Variants in CNTN5 observed in about 807,000 individuals in gnomAD.
CNTN5 encodes contactin-5.
Under a neutral mutation model 129.1 loss-of-function variants are expected in CNTN5, and 77 were observed. The observed-to-expected ratio is 0.60, with a 90% CI of 0.50 to 0.72. The LOEUF is 0.72. CNTN5 is among the 30% of genes least tolerant of loss of function. The pLI is 0.00. For synonymous variants in CNTN5, 509 were observed against 465.6 expected (o/e 1.09, Z -1.20); for missense variants, 1,478 against 1,328.8 (o/e 1.11, Z -1.75).
At chr11:99,362,504 T>C (rs1305004777) in intron 2 of CNTN5, among the ~76,000 whole-genome samples, 1 of 151,694 alleles carries the variant, frequency 6.6e-6, no homozygotes, top group Non-Finnish European at 1.5e-5. Flanking sequence ...ATTTATCTAT[T>C]TTTTTTAGTT....
intron 1 of CNTN5, among the ~76,000 whole-genome samples, chr11:99,170,183 A>T (rs11218619): frequency 0.43 from 65,445 of 151,966 alleles, 14,944 homozygotes; most frequent in East Asian, 0.81. Context: ...CAGATAATAT[A>T]TATGGAACCA....
At chr11:99,071,708 C>T (rs1276535692) in intron 1 of CNTN5, among the ~76,000 whole-genome samples, 3 of 151,950 alleles carry the variant, frequency 2.0e-5, no homozygotes, top group Non-Finnish European at 4.4e-5. Context: ...GTTGCTTACT[C>T]AAATCATTTG....
chr11:100,228,508 T>A (rs2138640358), intron 16 of CNTN5, among the ~76,000 whole-genome samples: 1 of 152,350 alleles, frequency 6.6e-6, no homozygotes, highest in Non-Finnish European at 1.5e-5. Context: ...TTATTTCCAA[T>A]AATTATTTAT....
chr11:100,254,758 C>G (rs1950033905), intron 16 of CNTN5, among the ~76,000 whole-genome samples: 1 of 152,058 alleles, frequency 6.6e-6, no homozygotes, highest in Non-Finnish European at 1.5e-5. Flanking sequence ...GCTCATGTCT[C>G]TTAATCAACA....
intron 6 of CNTN5, among the ~76,000 whole-genome samples, chr11:99,914,092 C>T (rs1233208904): frequency 6.6e-6 from 1 of 152,022 alleles, no homozygotes; most frequent in Non-Finnish European, 1.5e-5. Flanking sequence ...GAAAAATTAG[C>T]TGAGTATATT....
At chr11:100,215,930 C>T (rs1438737298) in intron 15 of CNTN5, among the ~76,000 whole-genome samples, 1 of 152,126 alleles carries the variant, frequency 6.6e-6, no homozygotes, top group Non-Finnish European at 1.5e-5. Context: ...TGGGACTTAG[C>T]ATCAGCCTCC....
At chr11:99,795,958 C>G (rs1403612000) in intron 3 of CNTN5, among the ~76,000 whole-genome samples, 1 of 152,214 alleles carries the variant, frequency 6.6e-6, no homozygotes, top group African/African-American at 2.4e-5. Flanking sequence ...CTCATTCCCA[C>G]ATGCCAGCAG....
At chr11:100,053,874 G>A (rs1255930505) in intron 9 of CNTN5, among the ~76,000 whole-genome samples, 1 of 151,696 alleles carries the variant, frequency 6.6e-6, no homozygotes, top group African/African-American at 2.4e-5. Flanking sequence ...ACTCCTCGGC[G>A]ATTAAAAGGA....
intron 2 of CNTN5, among the ~76,000 whole-genome samples, chr11:99,541,978 AAG>A (rs1441826246): frequency 3.5e-5 from 4 of 114,216 alleles, no homozygotes; most frequent in Non-Finnish European, 5.7e-5. Flanking sequence ...AAAAAAAAAA[AAG>A]AAAAGAAAAG....
At chr11:99,592,357 A>C (rs1196565831) in intron 3 of CNTN5, among the ~76,000 whole-genome samples, 1 of 152,228 alleles carries the variant, frequency 6.6e-6, no homozygotes. Flanking sequence ...TAAAAACTCA[A>C]GAACAAGTTG....
chr11:100,237,012 AC>A (rs1949629647), intron 16 of CNTN5, among the ~76,000 whole-genome samples: 2 of 151,922 alleles, frequency 1.3e-5, no homozygotes, highest in Non-Finnish European at 2.9e-5. Context: ...ACACAGTGAA[AC>A]CCCGTCTCTA....
intron 21 of CNTN5, chr11:100,336,812 A>G (rs745511839): frequency 1.5e-5 from 6 of 397,702 alleles, no homozygotes; most frequent in Non-Finnish European, 2.8e-5. Flanking sequence ...CGACTTCCCC[A>G]GACCCTAACC....
chr11:99,886,606 G>A (rs572308236), intron 6 of CNTN5, among the ~76,000 whole-genome samples: 2 of 152,232 alleles, frequency 1.3e-5, no homozygotes, highest in East Asian at 3.9e-4. Context: ...CATATACCAT[G>A]AGACATATAA....
chr11:99,597,595 G>A (rs1950165359), intron 3 of CNTN5, among the ~76,000 whole-genome samples: 1 of 152,030 alleles, frequency 6.6e-6, no homozygotes, highest in Non-Finnish European at 1.5e-5. Flanking sequence ...TACCCAGCCT[G>A]TTTTCCGGTA....
chr11:99,897,328 T>C (rs184687150), intron 6 of CNTN5, among the ~76,000 whole-genome samples: 1 of 152,102 alleles, frequency 6.6e-6, no homozygotes, highest in Non-Finnish European at 1.5e-5. Context: ...AAGATAAACA[T>C]TACTGAGGCA....
Position 99,533,930 on chromosome 11 carries a change from G to A in CNTN5, c.-70-22215G>A, listed in dbSNP as rs575483451. On this transcript the variant is annotated intron_variant, in intron 2 of 24. Coordinates refer to ENST00000524871, the MANE Select transcript of CNTN5 (RefSeq NM_014361.4). ...GAAAATTCCGTGGGTTTGGTTTAGA[G>A]GAGATTAGACCTGGGGATGCTGAAG... Among the ~76,000 whole-genome samples the A allele has an allele frequency of 9.6e-3, 1,462 of 152,268 alleles. 24 individuals are homozygous for A. Among genetic ancestry groups the A allele is most frequent in the African/African-American group, 0.033 (1,386 of 41,550 alleles).
chr11:99,451,557 GTT>G (rs1426481416), intron 2 of CNTN5, among the ~76,000 whole-genome samples: 2 of 152,084 alleles, frequency 1.3e-5, no homozygotes, highest in African/African-American at 4.8e-5. Context: ...GAGTGACAGA[GTT>G]TTCTTACTGA....
chr11:99,874,981 G>A (rs1302453756), intron 6 of CNTN5, among the ~76,000 whole-genome samples: 2 of 152,122 alleles, frequency 1.3e-5, no homozygotes, highest in African/African-American at 4.8e-5. Context: ...ATTTCTTCTA[G>A]AAGGTCTAGT....
chr11:99,858,084 T>A (rs1948095443), intron 6 of CNTN5, among the ~76,000 whole-genome samples: 2 of 152,240 alleles, frequency 1.3e-5, no homozygotes, highest in East Asian at 1.9e-4. Context: ...TTTTTAAAGA[T>A]CTTGTTTTCC....
Sources: gnomAD v4.1 joint callset for allele counts (sites outside exome capture counted in the v4.1 genomes callset) on GRCh38, gnomAD v4.1.1 for gene constraint, MANE v1.5 for transcripts, NCBI Gene and HGNC (gene_info 2026-07-23, HGNC 2026-07-21) for gene names.